The following ZNF585A variants were observed in gnomAD, a reference collection of about 807,000 sequenced individuals.
ZNF585A encodes zinc finger protein 585A.
Under a neutral mutation model 14.9 loss-of-function variants are expected in ZNF585A, and 9 were observed. The observed-to-expected ratio is 0.60, with a 90% CI of 0.36 to 1.05. The LOEUF (loss-of-function observed/expected upper bound fraction) is 1.05. ZNF585A is among the 50% of genes least tolerant of loss of function. The pLI is 0.01. For synonymous variants in ZNF585A, 276 were observed against 319.9 expected (o/e 0.86, Z 1.46); for missense variants, 726 against 926.4 (o/e 0.78, Z 2.81).
intron 2 of ZNF585A, among the ~76,000 whole-genome samples, chr19:37,169,565 A>G (rs1287591716): frequency 6.6e-6 from 1 of 152,232 alleles, no homozygotes; most frequent in Non-Finnish European, 1.5e-5. Flanking sequence ...CCACAGCCCA[A>G]AGATCAATGT....
chr19:37,153,389 C>A lies in ZNF585A; in HGVS notation c.510G>T (p.Lys170Asn). ...TTTTCTGGTGTATAATAAATTCTGG[C>A]TTCTGTACAAAAGCCTTCCCACATT... ...CIECGKAFVQ[K>N]PEFIIHQKTH... is the part of the protein sequence containing the mutation. Residue 170 changes from lysine (K) to asparagine (N), a missense_variant, in exon 5 of 5, where the codon AAG becomes AAT. Lys to Asn is a moderately conservative substitution (Grantham distance 94, BLOSUM62 0). This residue lies in a region of ZNF585A where 483 missense variants were observed against 542.8 expected (regional missense o/e 0.89). Coordinates refer to ENST00000292841, the MANE Select transcript of ZNF585A (RefSeq NM_001288800.2). 1.2e-6 allele frequency: 2 copies of A among 1,613,952 alleles called. No homozygotes were observed. The highest frequency in any genetic ancestry group is 1.7e-6 in the Non-Finnish European group (2 of 1,179,978).
intron 1 of ZNF585A, among the ~76,000 whole-genome samples, chr19:37,170,497 T>G (rs1309517392): frequency 6.6e-6 from 1 of 152,250 alleles, no homozygotes; most frequent in Non-Finnish European, 1.5e-5. Flanking sequence ...TTCTTCACTT[T>G]CTTTTGAGAC....
At position 37,153,123 on chromosome 19, in the gene ZNF585A, A is replaced by T. The variant is rs2145398048; in HGVS notation, c.776T>A (p.Met259Lys). 3.1e-6 allele frequency: 5 copies of T among 1,614,172 alleles called. No homozygotes were observed. Among genetic ancestry groups the T allele is most frequent in the Non-Finnish European group, 4.2e-6 (5 of 1,180,014 alleles). Residue 259 changes from methionine to lysine, a missense_variant, in exon 5 of 5, where the codon ATG becomes AAG. By Grantham distance (95) the Met-to-Lys change is moderately conservative. Around this residue, in one of 2 missense-constraint regions of ZNF585A, gnomAD observed 483 missense variants for 542.8 expected, o/e 0.89. Transcript: ENST00000292841. ...CTCGCCTGTATGGATTTTCTGATGCATCTTGAGTGTGGACTTTTGTGTGAA... is the reference window on the plus strand; with the variant it reads ...CTCGCCTGTATGGATTTTCTGATGCTTCTTGAGTGTGGACTTTTGTGTGAA... ...KAFTQKSTLK[M>K]HQKIHTGERS... is the part of the protein sequence containing the mutation.
Position 37,156,013 on chromosome 19 carries a change from A to G in ZNF585A, c.200-56T>C. 2.5e-6 allele frequency: 4 copies of G among 1,608,132 alleles called. No homozygotes were observed. In the South Asian group the frequency reaches 3.3e-5, roughly 13 times the overall value. On this transcript the variant is annotated intron_variant, in intron 3 of 4. Coordinates refer to ENST00000292841, the MANE Select transcript of ZNF585A (RefSeq NM_001288800.2). ...CCAGCTAATTGTGTTTCAGGGCCCA[A>G]CCAATAATCTCTTATTCTTTGATGA...
At position 37,151,930 on chromosome 19, in the gene ZNF585A, T is replaced by C; in HGVS notation, c.1969A>G (p.Thr657Ala). ...GAACAAATGTAGGGCTTTTCTCCGGTATGAGTTTTCTGGTGCTTACTGAGA... is the reference window on the plus strand; with the variant it reads ...GAACAAATGTAGGGCTTTTCTCCGGCATGAGTTTTCTGGTGCTTACTGAGA... ...SNLSKHQKTH[T>A]GEKPYICSEC... Residue 657 changes from threonine to alanine, a missense_variant, in exon 5 of 5, where the codon ACC becomes GCC. This residue lies in a region of ZNF585A where 243 missense variants were observed against 383.6 expected (regional missense o/e 0.63). Coordinates refer to ENST00000292841, the MANE Select transcript of ZNF585A (RefSeq NM_001288800.2). 3 of 1,613,612 alleles carry C rather than the reference T, an allele frequency of 1.9e-6. No homozygotes were observed. Among genetic ancestry groups the C allele is most frequent in the Non-Finnish European group, 1.7e-6 (2 of 1,179,896 alleles).
intron 2 of ZNF585A, among the ~76,000 whole-genome samples, chr19:37,156,839 G>A (rs908389556): frequency 2.6e-5 from 4 of 152,096 alleles, no homozygotes; most frequent in African/African-American, 9.7e-5. Flanking sequence ...TTATAGGAAT[G>A]CACCACCATG....
chr19:37,171,146 C>G (rs1008308848), intron 1 of ZNF585A, among the ~76,000 whole-genome samples: 2 of 152,132 alleles, frequency 1.3e-5, no homozygotes, highest in Non-Finnish European at 2.9e-5. Flanking sequence ...CAAATGCCAG[C>G]AGGACTGATC....
chr19:37,164,128 T>C (rs754090976), intron 2 of ZNF585A, among the ~76,000 whole-genome samples: 15 of 152,004 alleles, frequency 9.9e-5, no homozygotes, highest in Non-Finnish European at 1.8e-4. Flanking sequence ...ACAAAAACTA[T>C]AGGAAAAAGG....
intron 2 of ZNF585A, chr19:37,165,618 T>G: frequency 1.0e-6 from 1 of 984,180 alleles, no homozygotes; most frequent in South Asian, 4.7e-5. Flanking sequence ...TCTTCTACTC[T>G]TCAATGCAGT....
chr19:37,168,680 G>T (rs1972134439), intron 2 of ZNF585A, among the ~76,000 whole-genome samples: 1 of 152,162 alleles, frequency 6.6e-6, no homozygotes, highest in South Asian at 2.1e-4. Context: ...TCAGCTAGAA[G>T]ATTCTTATTA....
rs1971749294 is a variant in ZNF585A at position 37,146,820 on chromosome 19, T to G, written c.*4769A>C. Reference sequence around the variant, plus strand: ...GATCTTGTAAACAGTGTGGAATGTATGTAGGTAGGATACTCAGTTTGGTAC... The same window carrying G: ...GATCTTGTAAACAGTGTGGAATGTAGGTAGGTAGGATACTCAGTTTGGTAC... On this transcript the variant is annotated 3_prime_UTR_variant, in exon 5 of 5. Coordinates refer to ENST00000292841, the MANE Select transcript of ZNF585A (RefSeq NM_001288800.2). 1 of 152,152 alleles carries G rather than the reference T, an allele frequency of 6.6e-6. No homozygotes were observed. The highest frequency in any genetic ancestry group is 1.5e-5 in the Non-Finnish European group (1 of 68,166). The allele number at this position is 152,152 out of a possible 1,614,324, so 9.4% of individuals were successfully genotyped here. A position where few individuals can be genotyped will look rare whatever the true frequency, so the allele number is the denominator to read the frequency against.
rs759389942 is a variant in ZNF585A, at chr19:37,153,384, T to C, written c.515A>G (p.Glu172Gly). ...ECGKAFVQKP[E>G]FIIHQKTHMR... ...ATGGGTTTTCTGGTGTATAATAAATTCTGGCTTCTGTACAAAAGCCTTCCC... is the reference window on the plus strand; with the variant it reads ...ATGGGTTTTCTGGTGTATAATAAATCCTGGCTTCTGTACAAAAGCCTTCCC... Residue 172 changes from glutamate (E) to glycine (G), a missense_variant, in exon 5 of 5, where the codon GAA becomes GGA. Physicochemically the swap from Glu to Gly is moderately conservative, Grantham distance 98 (BLOSUM62 -2). This residue lies in a region of ZNF585A where 483 missense variants were observed against 542.8 expected (regional missense o/e 0.89). Transcript: ENST00000292841. 1 of 1,614,034 alleles carries C rather than the reference T, an allele frequency of 6.2e-7. No individual in the cohort carries two copies. Among genetic ancestry groups the C allele is most frequent in the East Asian group, 2.2e-5 (1 of 44,880 alleles).
Position 37,150,812 on chromosome 19 carries a change from C to T in ZNF585A, c.*777G>A, listed in dbSNP as rs1433578790. On this transcript the variant is annotated 3_prime_UTR_variant, in exon 5 of 5. Coordinates refer to ENST00000292841, the MANE Select transcript of ZNF585A (RefSeq NM_001288800.2). ...CAGCAGAAGGGAGATTTAAGTTGTC[C>T]CAGATGACCATAAAATTCTTACCTC... The T allele has an allele frequency of 6.5e-6, 1 of 153,850 alleles. No individual in the cohort carries two copies. 9.5% of individuals were successfully genotyped at this position (153,850 alleles called of 1,614,324 possible). A position where few individuals can be genotyped will look rare whatever the true frequency, so the allele number is the denominator to read the frequency against.
At position 37,169,884 on chromosome 19, in the gene ZNF585A, C is replaced by G. The variant is rs769741795; in HGVS notation, c.27G>C (p.Gln9His). ...CCTCTGGAGCCAGGGCTGAGGATTT[C>G]TGAGGTGAGGTCCAATTAGCTGGCA... MPANWTSP[Q>H]KSSALAPEDH... The change falls in exon 2 of 5, where the codon CAG becomes CAC. Residue 9 changes from glutamine (Q) to histidine (H), a missense_variant. Gln to His is a conservative substitution (Grantham distance 24, BLOSUM62 0). Coordinates refer to ENST00000292841, the MANE Select transcript of ZNF585A (RefSeq NM_001288800.2). 1 of 1,613,394 alleles carries G rather than the reference C, an allele frequency of 6.2e-7. No homozygotes were observed. Among genetic ancestry groups the G allele is most frequent in the Non-Finnish European group, 8.5e-7 (1 of 1,180,006 alleles).
Position 37,169,913 on chromosome 19 carries a change from C to A in ZNF585A, c.-3G>T, listed in dbSNP as rs763934255. On this transcript the variant is annotated 5_prime_UTR_variant, in exon 2 of 5. Coordinates refer to ENST00000292841, the MANE Select transcript of ZNF585A (RefSeq NM_001288800.2). ...GGTGAGGTCCAATTAGCTGGCATGG[C>A]CACACTGGGTCTCAACCCTTTTTCT... 3.7e-6 allele frequency: 6 copies of A among 1,612,422 alleles called. No homozygotes were observed. In the African/African-American group the frequency reaches 4.0e-5, roughly 11 times the overall value.
At chr19:37,161,963 A>G (rs948317484) in intron 2 of ZNF585A, among the ~76,000 whole-genome samples, 5 of 152,252 alleles carry the variant, frequency 3.3e-5, no homozygotes, top group Admixed American at 1.3e-4. Context: ...TCACTCTGTT[A>G]CCCAGGCTGC....
At chr19:37,154,995 A>ATCTT (rs1971901531) in intron 4 of ZNF585A, among the ~76,000 whole-genome samples, 1 of 136,826 alleles carries the variant, frequency 7.3e-6, no homozygotes, top group Non-Finnish European at 1.6e-5. Context: ...AGAAAGAAAG[A>ATCTT]TCTTTTTTTT....
chr19:37,147,829 C>A lies in ZNF585A; in HGVS notation c.*3760G>T, dbSNP rs1229169374. 1 of 152,182 alleles carries A rather than the reference C, an allele frequency of 6.6e-6. No homozygotes were observed. Among genetic ancestry groups the A allele is most frequent in the Non-Finnish European group, 1.5e-5 (1 of 68,030 alleles). The allele number at this position is 152,182 out of a possible 1,614,324, so 9.4% of individuals were successfully genotyped here. On this transcript the variant is annotated 3_prime_UTR_variant, in exon 5 of 5. Transcript: ENST00000292841. Reference sequence around the variant, plus strand: ...AAAATACAACAGCACTTTTGAGATTCATCCATGTTGTAGTAAGTGTCAATA... The same window carrying A: ...AAAATACAACAGCACTTTTGAGATTAATCCATGTTGTAGTAAGTGTCAATA...
At chr19:37,171,577 G>C (rs1386446545) in intron 1 of ZNF585A, among the ~76,000 whole-genome samples, 1 of 152,100 alleles carries the variant, frequency 6.6e-6, no homozygotes, top group Non-Finnish European at 1.5e-5. Context: ...GTTATATTTT[G>C]AGCTACTTAG....
Sources: allele counts gnomAD v4.1 joint callset (sites outside exome capture counted in the v4.1 genomes callset), GRCh38; gene constraint gnomAD v4.1.1; regional missense constraint gnomAD v4.1.1; transcripts MANE v1.5; gene names NCBI Gene and HGNC (gene_info 2026-07-23, HGNC 2026-07-21).